The following MYO1E variants were observed in gnomAD, a reference collection of about 807,000 sequenced individuals.
The protein encoded by MYO1E is unconventional myosin-Ie.
In MYO1E, 68 loss-of-function variants were observed where a neutral mutation model predicts 151.1. The observed-to-expected ratio is 0.45, with a 90% CI of 0.37 to 0.55. MYO1E has a LOEUF of 0.55. Among genes scored for constraint, MYO1E ranks in the 20% least tolerant of loss-of-function variants. The pLI, the probability that MYO1E is intolerant of heterozygous loss-of-function variation, is 0.00. For missense variants in MYO1E, 1,363 were observed against 1,389.3 expected, an observed-to-expected ratio of 0.98 and a Z score of 0.30; for synonymous variants, 601 against 501.7, an observed-to-expected ratio of 1.20 and a Z score of -2.64.
intron 1 of MYO1E, among the ~76,000 whole-genome samples, chr15:59,339,532 C>A (rs1343212384): frequency 6.6e-6 from 1 of 152,190 alleles, no homozygotes; most frequent in East Asian, 1.9e-4. Flanking sequence ...ACAGCCCCTC[C>A]CAAGAGACAC....
intron 16 of MYO1E, 138 bp downstream of exon 16, chr15:59,202,188 C>T (rs1381907412): frequency 2.1e-5 from 15 of 729,526 alleles, no homozygotes; most frequent in Non-Finnish European, 3.3e-5. Flanking sequence ...TAACAAGCAG[C>T]GATGTTACTT....
chr15:59,178,488 TCTC>T lies in MYO1E; in HGVS notation c.1951_1953del (p.Glu651del), dbSNP rs776642669. The T allele has an allele frequency of 1.2e-5, 19 of 1,614,100 alleles. No homozygotes were observed. The East Asian group carries it at 1.3e-4, about 11-fold the overall frequency. On this transcript the variant is annotated inframe_deletion, in exon 19 of 28. Coordinates refer to ENST00000288235, the MANE Select transcript of MYO1E (RefSeq NM_004998.4). ...TGCAGCAGGTGCAGGACGCCTTGCT[TCTC>T]CTCTCCCTGCCAAGAAGGCCAGGTG... is the stretch of plus-strand genomic sequence containing the variant.
At chr15:59,371,981 T>C (rs2080948203) in intron 1 of MYO1E, among the ~76,000 whole-genome samples, 1 of 149,382 alleles carries the variant, frequency 6.7e-6, no homozygotes, top group Admixed American at 6.6e-5. Flanking sequence ...CGCGTGCCGC[T>C]GCCAGGCGGG....
At chr15:59,268,678 A>G (rs994788838) in intron 2 of MYO1E, among the ~76,000 whole-genome samples, 4 of 137,814 alleles carry the variant, frequency 2.9e-5, no homozygotes, top group Non-Finnish European at 6.2e-5. Context: ...CAAGAGATTA[A>G]TAAGAACTAA....
In MYO1E at chr15:59,163,162, G is replaced by C; in HGVS notation, c.2622C>G (p.Ser874Arg). 6.2e-7 allele frequency: 1 copy of C among 1,614,048 alleles called. No homozygotes were observed. Among genetic ancestry groups the C allele is most frequent in the Non-Finnish European group, 8.5e-7 (1 of 1,179,970 alleles). ...GGTCCCAGATCCGGACTTACGTATTGCTGAATTTCAGAGGTAGTTGCTTCT... is the reference window on the plus strand; with the variant it reads ...GGTCCCAGATCCGGACTTACGTATTCCTGAATTTCAGAGGTAGTTGCTTCT... ...KTQKQLPLKF[S>R]NTLELKLKKE... Residue 874 changes from serine (S) to arginine (R), a missense_variant, in exon 23 of 28, where the codon AGC (serine) becomes AGG (arginine). By Grantham distance (110) the Ser-to-Arg change is moderately radical. Coordinates refer to ENST00000288235, the MANE Select transcript of MYO1E (RefSeq NM_004998.4).
chr15:59,292,439 A>C (rs984686597), intron 1 of MYO1E, among the ~76,000 whole-genome samples: 1 of 152,250 alleles, frequency 6.6e-6, no homozygotes, highest in Admixed American at 6.5e-5. Context: ...TCTGAAATTT[A>C]AAGTGCGTTA....
intron 19 of MYO1E, among the ~76,000 whole-genome samples, chr15:59,175,974 A>C (rs1257043730): frequency 6.6e-6 from 1 of 152,360 alleles, no homozygotes; most frequent in Non-Finnish European, 1.5e-5. Context: ...CACACAAAAC[A>C]ACCTTAAATG....
intron 26 of MYO1E, among the ~76,000 whole-genome samples, chr15:59,140,471 T>C (rs1214909653): frequency 6.6e-6 from 1 of 152,230 alleles, no homozygotes; most frequent in Non-Finnish European, 1.5e-5. Flanking sequence ...CTACATTCAT[T>C]TCCCTACAAA....
rs752082406 is a variant in MYO1E, at chr15:59,161,059, C to T, written c.2785+14G>A. 4.3e-6 allele frequency: 7 copies of T among 1,612,680 alleles called. No homozygotes were observed. Among genetic ancestry groups the T allele is most frequent in the Middle Eastern group, 2.0e-4 (1 of 5,022 alleles). Reference sequence around the variant, plus strand: ...CGGCGGCAGTTCTGCCTGCAGGGCCCGTGGAGCACTTACGGGAGTTCTTGG... The same window carrying T: ...CGGCGGCAGTTCTGCCTGCAGGGCCTGTGGAGCACTTACGGGAGTTCTTGG... On this transcript the variant is annotated intron_variant, in intron 24 of 27. Coordinates refer to ENST00000288235, the MANE Select transcript of MYO1E (RefSeq NM_004998.4).
intron 1 of MYO1E, among the ~76,000 whole-genome samples, chr15:59,279,808 C>A (rs1318765731): frequency 6.6e-6 from 1 of 152,170 alleles, no homozygotes; most frequent in Non-Finnish European, 1.5e-5. Flanking sequence ...TAAGGAGCCC[C>A]AATTTTGTTT....
intron 10 of MYO1E, among the ~76,000 whole-genome samples, chr15:59,216,643 A>AGTGTGTGT (rs1301548766): frequency 0.018 from 765 of 43,472 alleles, 126 homozygotes; most frequent in African/African-American, 0.063. Context: ...AAGGGCCCCC[A>AGTGTGTGT]GTGTGTGTGT....
At chr15:59,166,010 A>G (rs1814225272) in intron 22 of MYO1E, among the ~76,000 whole-genome samples, 1 of 152,252 alleles carries the variant, frequency 6.6e-6, no homozygotes, top group Admixed American at 6.5e-5. Flanking sequence ...GAGTGGTTTA[A>G]TGGGCTTAGA....
At chr15:59,238,807 G>A (rs1440250624) in intron 4 of MYO1E, among the ~76,000 whole-genome samples, 1 of 151,998 alleles carries the variant, frequency 6.6e-6, no homozygotes, top group Non-Finnish European at 1.5e-5. Flanking sequence ...CTGACCCCAG[G>A]TGATCCGCCT....
intron 26 of MYO1E, among the ~76,000 whole-genome samples, chr15:59,147,206 T>C (rs1235473517): frequency 6.6e-6 from 1 of 152,096 alleles, no homozygotes; most frequent in Non-Finnish European, 1.5e-5. Context: ...ACATGAAAAC[T>C]CTCTAAACTG....
intron 3 of MYO1E, 117 bp from the exon 4 acceptor site, chr15:59,256,495 G>A (rs1315302523): frequency 2.1e-5 from 11 of 530,352 alleles, no homozygotes; most frequent in African/African-American, 1.6e-4. Flanking sequence ...GAAACGAATC[G>A]TGCACTATAG....
chr15:59,315,488 G>T (rs1215067973), intron 1 of MYO1E, among the ~76,000 whole-genome samples: 1 of 151,134 alleles, frequency 6.6e-6, no homozygotes, highest in Non-Finnish European at 1.5e-5. Flanking sequence ...AACCACTATG[G>T]CACACGTTTA....
intron 1 of MYO1E, among the ~76,000 whole-genome samples, chr15:59,351,811 C>T (rs878962123): frequency 5.9e-5 from 9 of 152,122 alleles, no homozygotes; most frequent in Non-Finnish European, 1.2e-4. Context: ...AGCATAGATG[C>T]CTGGGGGAAT....
At chr15:59,347,731 A>T (rs2080802458) in intron 1 of MYO1E, among the ~76,000 whole-genome samples, 1 of 152,134 alleles carries the variant, frequency 6.6e-6, no homozygotes, top group Admixed American at 6.5e-5. Context: ...ACAGGAGACA[A>T]AGAATGCACC....
At chr15:59,225,947 A>G (rs2079988530) in intron 7 of MYO1E, among the ~76,000 whole-genome samples, 1 of 152,128 alleles carries the variant, frequency 6.6e-6, no homozygotes, top group Non-Finnish European at 1.5e-5. Flanking sequence ...CACCCAGCCA[A>G]GAATTACTTT....
Sources: allele counts gnomAD v4.1 joint callset (sites outside exome capture counted in the v4.1 genomes callset), GRCh38; gene constraint gnomAD v4.1.1; transcripts MANE v1.5; gene names NCBI Gene and HGNC (gene_info 2026-07-23, HGNC 2026-07-21).